REC8: variants seen among roughly 807,000 people sequenced by gnomAD.
The protein encoded by REC8 is meiotic recombination protein REC8 homolog.
REC8 carries 42 observed loss-of-function variants against 78.3 expected under a neutral mutation model. The ratio of observed to expected loss-of-function variants is 0.54; its 90% CI spans 0.42 to 0.69. The LOEUF is 0.69. Among genes scored for constraint, REC8 ranks in the 30% least tolerant of loss-of-function variants. The probability of loss-of-function intolerance (pLI) is 0.00; values close to 1 mark genes in which losing one functional copy is unlikely to be tolerated. For synonymous variants in REC8, 268 were observed against 274.1 expected, an observed-to-expected ratio of 0.98 and a Z score of 0.22; for missense variants, 581 against 715.8, an observed-to-expected ratio of 0.81 and a Z score of 2.15.
chr14:24,175,029 C>A, intron 5 of REC8, among the ~76,000 whole-genome samples: 1 of 141,228 alleles, frequency 7.1e-6, no homozygotes, highest in African/African-American at 2.7e-5. Context: ...TTTTTTGAGA[C>A]AGAGTCTTGC....
Position 24,177,171 on chromosome 14 carries a change from C to G in REC8, c.655C>G (p.Arg219Gly). Residue 219 changes from arginine to glycine, a missense_variant, in exon 8 of 19, where the codon CGA (arginine) becomes GGA (glycine). By Grantham distance (125) the Arg-to-Gly change is moderately radical (BLOSUM62 -2). Transcript: ENST00000611366. ...ACGGGAGCTCCCAGAGGTCAGCCGC[C>G]GAGAACTGGACCTGCTGATCGCAGA... ...GERELPEVSRRELDLLIAEEE... is the reference protein window; with the variant it reads ...GERELPEVSRGELDLLIAEEE... 1.2e-6 allele frequency: 2 copies of G among 1,614,118 alleles called. No individual in the cohort carries two copies. Among genetic ancestry groups the G allele is most frequent in the African/African-American group, 1.3e-5 (1 of 75,034 alleles).
rs1480073040 is a variant in REC8, at chr14:24,178,223, G to C, written c.996+1G>C. 2 of 1,613,430 alleles carry C rather than the reference G, an allele frequency of 1.2e-6. No individual in the cohort carries two copies. Among genetic ancestry groups the C allele is most frequent in the Non-Finnish European group, 1.7e-6 (2 of 1,179,436 alleles). ...AACCAGAGCCCACTGCTGGGAATGT[G>C]TGAGTGCAGCCCAGGCTTTGCCGGG... On this transcript the variant is annotated splice_donor_variant, in intron 12 of 18. Coordinates refer to ENST00000611366, the MANE Select transcript of REC8 (RefSeq NM_001048205.2). LOFTEE classifies it high-confidence loss of function.
rs1026338343 is a variant in REC8 at position 24,175,467 on chromosome 14, G to A, written c.463-76G>A. On this transcript the variant is annotated intron_variant, in intron 5 of 18. Coordinates refer to ENST00000611366, the MANE Select transcript of REC8 (RefSeq NM_001048205.2). Reference sequence around the variant, plus strand: ...TAAAAGGAGATTACCGTGCATTGTTGAAGAAGGCTGTGAAAAGTGGGAAAG... The same window carrying A: ...TAAAAGGAGATTACCGTGCATTGTTAAAGAAGGCTGTGAAAAGTGGGAAAG... 13 of 1,143,582 alleles carry A rather than the reference G, an allele frequency of 1.1e-5. No homozygotes were observed. The South Asian group carries it at 1.6e-4, about 14-fold the overall frequency. 70.8% of individuals were successfully genotyped at this position (1,143,582 alleles called of 1,614,324 possible).
intron 5 of REC8, 65 bp from the exon 6 acceptor site, chr14:24,175,478 T>C: frequency 7.8e-7 from 1 of 1,280,858 alleles, no homozygotes; most frequent in East Asian, 2.3e-5. Flanking sequence ...AAGAAGGCTG[T>C]GAAAAGTGGG....
Position 24,178,126 on chromosome 14 carries a change from C to T in REC8, c.900C>T (p.Arg300=). The T allele has an allele frequency of 1.9e-6, 3 of 1,613,886 alleles. No individual in the cohort carries two copies. The highest frequency in any genetic ancestry group is 8.5e-7 in the Non-Finnish European group (1 of 1,179,874). ...RPPVPPPPRR[R]RRRRLLFWDK... ...CAGTCCCCCCACCTCCTCGCCGCCG[C>T]CGTCGTCGCCGGTTACTGTTCTGGG... The change falls in exon 12 of 19, where the codon CGC becomes CGT. Residue 300 remains arginine, a synonymous_variant. Transcript: ENST00000611366.
chr14:24,172,968 C>T lies in REC8; in HGVS notation c.195C>T (p.Phe65=). ...AGCCCGGCCTGCCGCGGCCCCGCTT[C>T]TCCCTCTATCTCTCAGCCCAACTTC... ...PPQPGLPRPR[F]SLYLSAQLQI... is the part of the protein sequence containing the mutation. Residue 65 remains phenylalanine, a synonymous_variant, in exon 3 of 19, where the codon TTC becomes TTT. Transcript: ENST00000611366. The T allele has an allele frequency of 6.2e-7, 1 of 1,609,754 alleles. No individual in the cohort carries two copies. The highest frequency in any genetic ancestry group is 1.3e-5 in the African/African-American group (1 of 75,076).
intron 15 of REC8, 98 bp downstream of exon 15, chr14:24,179,231 G>GT (rs2039052376): frequency 1.7e-6 from 2 of 1,200,730 alleles, no homozygotes; most frequent in Non-Finnish European, 2.4e-6. Flanking sequence ...GAGTGAAGGC[G>GT]TGTGTGTGTG....
At position 24,177,493 on chromosome 14, in the gene REC8, C is replaced by T; in HGVS notation, c.766C>T (p.Pro256Ser). 6.2e-7 allele frequency: 1 copy of T among 1,614,114 alleles called. No individual in the cohort carries two copies. Among genetic ancestry groups the T allele is most frequent in the Non-Finnish European group, 8.5e-7 (1 of 1,179,984 alleles). The change falls in exon 10 of 19, where the codon CCT becomes TCT. Residue 256 changes from proline to serine, a missense_variant. Transcript: ENST00000611366. ...EVEGIGEALGPEELRLTGWEP... is the reference protein window; with the variant it reads ...EVEGIGEALGSEELRLTGWEP... ...GGAAGGAATAGGAGAGGCACTGGGT[C>T]CTGAGGAGCTGAGGCTGACAGGCTG...
intron 14 of REC8, 40 bp from the exon 15 acceptor site, chr14:24,179,045 C>T (rs1396397255): frequency 6.2e-7 from 1 of 1,607,942 alleles, no homozygotes; most frequent in Non-Finnish European, 8.5e-7. Context: ...GCCCAAGTCC[C>T]AGATGCTTGG....
intron 8 of REC8, 39 bp from the exon 9 acceptor site, chr14:24,177,314 T>C: frequency 1.2e-6 from 2 of 1,614,156 alleles, no homozygotes; most frequent in Non-Finnish European, 1.7e-6. Flanking sequence ...CTCCCATTTC[T>C]CTTTTTCTGT....
Position 24,178,596 on chromosome 14 carries a change from C to G in REC8, c.997-10C>G, listed in dbSNP as rs777712244. 1.9e-6 allele frequency: 3 copies of G among 1,613,766 alleles called. No individual in the cohort carries two copies. The highest frequency in any genetic ancestry group is 2.2e-5 in the South Asian group (2 of 91,052). On this transcript the variant is annotated splice_polypyrimidine_tract_variant and intron_variant, in intron 12 of 18. Transcript: ENST00000611366. ...TATAATGGGGCTTCTGACCTTCCCC[C>G]ACTACACAGCCTATGGTGCAGCCGC...
chr14:24,179,836 C>A lies in REC8; in HGVS notation c.1488C>A (p.Pro496=). Residue 496 remains proline, a synonymous_variant, in exon 18 of 19, where the codon CCC becomes CCA. Coordinates refer to ENST00000611366, the MANE Select transcript of REC8 (RefSeq NM_001048205.2). The part of the protein sequence containing the change: ...VALELQANRE[P]DFSSLVSPLS... ...TGGAGCTGCAGGCTAACAGGGAGCC[C>A]GACTTCAGCAGCCTGGTGTCACCTC... is the stretch of plus-strand genomic sequence containing the variant. The A allele has an allele frequency of 6.2e-7, 1 of 1,613,122 alleles. No individual in the cohort carries two copies. The highest frequency in any genetic ancestry group is 1.3e-5 in the African/African-American group (1 of 75,028).
At position 24,176,355 on chromosome 14, in the gene REC8, CTTTT is replaced by C. The variant is rs777888260; in HGVS notation, c.545-453_545-450del. Among the ~76,000 whole-genome samples, 9 of 127,336 alleles carry C rather than the reference CTTTT, an allele frequency of 7.1e-5. No individual in the cohort carries two copies. The East Asian group carries it at 9.1e-4, about 13-fold the overall frequency. 83.5% of individuals were successfully genotyped at this position (127,336 alleles called of 152,430 possible). On this transcript the variant is annotated intron_variant, in intron 6 of 18. Transcript: ENST00000611366. ...TACAGGCGTGAGCCACCATACTCGG[CTTTT>C]TTTTTTTTTTTTTCTTTTTTTCCCA... is the stretch of plus-strand genomic sequence containing the variant.
downstream of REC8, chr14:24,180,744 A>G: frequency 6.2e-7 from 1 of 1,613,974 alleles, no homozygotes; most frequent in Non-Finnish European, 8.5e-7. Flanking sequence ...GAAGCTCGGG[A>G]GCCACATCTA....
chr14:24,175,696 G>T, intron 6 of REC8, 72 bp downstream of exon 6: 1 of 1,198,684 alleles, frequency 8.3e-7, no homozygotes, highest in Non-Finnish European at 1.2e-6. Context: ...GACCATTTTT[G>T]AGCTTAAGAG....
Position 24,173,007 on chromosome 14 carries a change from C to A in REC8, c.234C>A (p.Ile78=), listed in dbSNP as rs1195862896. 1 of 1,608,414 alleles carries A rather than the reference C, an allele frequency of 6.2e-7. No individual in the cohort carries two copies. The highest frequency in any genetic ancestry group is 1.1e-5 in the South Asian group (1 of 91,088). The change falls in exon 3 of 19, where the codon ATC becomes ATA. Residue 78 remains isoleucine, a synonymous_variant. Coordinates refer to ENST00000611366, the MANE Select transcript of REC8 (RefSeq NM_001048205.2). ...CAGCCCAACTTCAGATCGGTGTGAT[C>A]CGCGTCTATTCTCAACAATGCCAGT... ...YLSAQLQIGV[I]RVYSQQCQYL...
intron 12 of REC8, 116 bp from the exon 13 acceptor site, chr14:24,178,490 G>A (rs1594425152): frequency 9.0e-7 from 1 of 1,110,864 alleles, no homozygotes; most frequent in African/African-American, 1.6e-5. Context: ...GCAGGGTCAT[G>A]AGCGCAAAAG....
intron 15 of REC8, 64 bp from the exon 16 acceptor site, chr14:24,179,333 G>A: frequency 6.5e-7 from 1 of 1,535,294 alleles, no homozygotes; most frequent in Non-Finnish European, 9.0e-7. Context: ...CTTACACCAG[G>A]TGGCCACAAG....
intron 5 of REC8, among the ~76,000 whole-genome samples, chr14:24,174,385 C>T (rs1008095494): frequency 3.3e-5 from 5 of 152,190 alleles, no homozygotes; most frequent in African/African-American, 1.2e-4. Context: ...TCAAGCGATT[C>T]TCCTGCCTCG....
Sources: gnomAD v4.1 joint callset for allele counts (sites outside exome capture counted in the v4.1 genomes callset) on GRCh38, gnomAD v4.1.1 for gene constraint, MANE v1.5 for transcripts, NCBI Gene and HGNC (gene_info 2026-07-23, HGNC 2026-07-21) for gene names.